Variants in STX1B observed in about 807,000 individuals in gnomAD.
STX1B encodes syntaxin 1B, also known as syntaxin-1B.
STX1B carries 7 observed loss-of-function variants against 39.4 expected under a neutral mutation model. The observed-to-expected ratio is 0.18, with a 90% CI of 0.10 to 0.33. The LOEUF (loss-of-function observed/expected upper bound fraction) is 0.33. Ranked by LOEUF, STX1B falls within the 10% of genes least tolerant of loss-of-function variation. The pLI is 1.00. For missense variants in STX1B, 198 were observed against 383.2 expected, an observed-to-expected ratio of 0.52 and a Z score of 4.04; for synonymous variants, 136 against 144.1, an observed-to-expected ratio of 0.94 and a Z score of 0.40.
Position 31,001,636 on chromosome 16 carries a change from G to T in STX1B, c.31-33C>A. 6.3e-7 allele frequency: 1 copy of T among 1,581,934 alleles called. No homozygotes were observed. The highest frequency in any genetic ancestry group is 8.6e-7 in the Non-Finnish European group (1 of 1,156,304). On this transcript the variant is annotated intron_variant, in intron 1 of 9. Coordinates refer to ENST00000215095, the MANE Select transcript of STX1B (RefSeq NM_052874.5). This position sits in a 1 kb window ranked among gnomAD's most constrained non-coding sequence, Gnocchi z 5.5. ...CAAGGAAGGCTGAGTCCATGAGCAG[G>T]CCCTACCTGGGTCCCCAAGGCTGGC...
chr16:30,993,698 A>G (rs1439073046), intron 7 of STX1B, among the ~76,000 whole-genome samples: 1 of 152,170 alleles, frequency 6.6e-6, no homozygotes, highest in Non-Finnish European at 1.5e-5. Context: ...GTGAGTTAAT[A>G]TGTACACATT....
intron 1 of STX1B, among the ~76,000 whole-genome samples, chr16:31,005,470 CTT>C (rs35407745): frequency 4.4e-5 from 5 of 113,726 alleles, no homozygotes; most frequent in Non-Finnish European, 5.0e-5. Context: ...TTTCTTTTTC[CTT>C]TTTTTTTTTT....
At chr16:30,995,248 G>A (rs1200385649) in intron 7 of STX1B, among the ~76,000 whole-genome samples, 1 of 152,086 alleles carries the variant, frequency 6.6e-6, no homozygotes, top group African/African-American at 2.4e-5. Flanking sequence ...AAAATGCTGG[G>A]ATTACAGATG....
At chr16:31,009,404 G>C (rs956280243) in intron 1 of STX1B, among the ~76,000 whole-genome samples, 2 of 152,028 alleles carry the variant, frequency 1.3e-5, no homozygotes, top group African/African-American at 4.8e-5. Context: ...AGTGCATTGG[G>C]CAGCTCAGCC....
intron 1 of STX1B, 26 bp downstream of exon 1, chr16:31,010,341 C>G (rs774274715): frequency 7.3e-7 from 1 of 1,366,002 alleles, no homozygotes; most frequent in Non-Finnish European, 9.8e-7. Context: ...GTCCCGCCCC[C>G]CCATTCTCCC....
chr16:31,009,966 G>A (rs941023494), intron 1 of STX1B, among the ~76,000 whole-genome samples: 2 of 151,954 alleles, frequency 1.3e-5, no homozygotes, highest in African/African-American at 4.8e-5. Context: ...CCTGAATCTG[G>A]GTCCTGCTAG....
rs10524041 is a variant in STX1B at position 30,994,892 on chromosome 16, C to CT, written c.538-1409dup. Among the ~76,000 whole-genome samples the CT allele has an allele frequency of 2.2e-3, 215 of 99,812 alleles. 2 individuals carry two copies. Among genetic ancestry groups the CT allele is most frequent in the African/African-American group, 7.4e-3 (205 of 27,870 alleles). 65.5% of individuals were successfully genotyped at this position (99,812 alleles called of 152,430 possible). On this transcript the variant is annotated intron_variant, in intron 7 of 9. Transcript: ENST00000215095. ...TTTGGACAGTGTTCAGTCTCCCCGT[C>CT]TTTTTTTTTTTTTTTTTTTTGGTTT...
chr16:31,003,477 G>A (rs2056641618), intron 1 of STX1B, among the ~76,000 whole-genome samples: 1 of 152,120 alleles, frequency 6.6e-6, no homozygotes, highest in Non-Finnish European at 1.5e-5. Flanking sequence ...AGAGCCAAAA[G>A]CCTTCCTCTG....
At chr16:31,002,375 CGACA>C (rs1210803637) in intron 1 of STX1B, among the ~76,000 whole-genome samples, 2 of 152,156 alleles carry the variant, frequency 1.3e-5, no homozygotes, top group Non-Finnish European at 2.9e-5. Context: ...CCACTGCCAC[CGACA>C]GACAGACTCG....
intron 4 of STX1B, among the ~76,000 whole-genome samples, chr16:30,998,187 C>CT (rs1459359699): frequency 6.6e-6 from 1 of 152,252 alleles, no homozygotes; most frequent in African/African-American, 2.4e-5. Flanking sequence ...CACAGATTAA[C>CT]TGAGATTCCT....
At position 30,992,682 on chromosome 16, in the gene STX1B, G is replaced by C; in HGVS notation, c.*139C>G. 3 of 590,802 alleles carry C rather than the reference G, an allele frequency of 5.1e-6. No homozygotes were observed. The highest frequency in any genetic ancestry group is 9.2e-6 in the Non-Finnish European group (3 of 326,838). 36.6% of individuals were successfully genotyped at this position (590,802 alleles called of 1,614,324 possible). ...GGCCCGGTGAGGTCCAGGGACACCA[G>C]GGTCTGCCGTGGGGGTGGGGCTGCC... is the stretch of plus-strand genomic sequence containing the variant. On this transcript the variant is annotated 3_prime_UTR_variant, in exon 10 of 10. Coordinates refer to ENST00000215095, the MANE Select transcript of STX1B (RefSeq NM_052874.5).
intron 4 of STX1B, among the ~76,000 whole-genome samples, chr16:31,000,417 C>T (rs575758553): frequency 6.6e-5 from 10 of 151,414 alleles, no homozygotes; most frequent in Non-Finnish European, 1.2e-4. Flanking sequence ...ACTGCAGCCT[C>T]GACCCCCTGG....
At chr16:31,006,158 C>T (rs2143685873) in intron 1 of STX1B, among the ~76,000 whole-genome samples, 1 of 152,286 alleles carries the variant, frequency 6.6e-6, no homozygotes, top group South Asian at 2.1e-4. Flanking sequence ...AGCACTGACA[C>T]ACACGGGCTT....
In STX1B at chr16:31,001,333, TG is replaced by T. The variant is rs1056087982; in HGVS notation, c.106-141del. Reference sequence around the variant, plus strand: ...CAGGGAGGGTGCAGGAGCAGGGAAGTGGGGGACAGGGAAAAGGAAGTTGTCG... The same window carrying T: ...CAGGGAGGGTGCAGGAGCAGGGAAGTGGGGACAGGGAAAAGGAAGTTGTCG... On this transcript the variant is annotated intron_variant, in intron 2 of 9. Coordinates refer to ENST00000215095, the MANE Select transcript of STX1B (RefSeq NM_052874.5). The surrounding 1 kb of genome is among the most constrained non-coding windows in gnomAD (Gnocchi z 5.5). 4.3e-4 allele frequency: 388 copies of T among 903,444 alleles called. 2 individuals are homozygous for T. The highest frequency in any genetic ancestry group is 7.6e-4 in the Admixed American group (36 of 47,212). The allele number at this position is 903,444 out of a possible 1,614,324, so 56.0% of individuals were successfully genotyped here.
At position 31,001,280 on chromosome 16, in the gene STX1B, A is replaced by T; in HGVS notation, c.106-87T>A. On this transcript the variant is annotated intron_variant, in intron 2 of 9. Coordinates refer to ENST00000215095, the MANE Select transcript of STX1B (RefSeq NM_052874.5). This position sits in a 1 kb window ranked among gnomAD's most constrained non-coding sequence, Gnocchi z 5.5. ...AACCAGCCAGGGTTCAGGGGAATGGACCAGCCCCAGAACGGCTGATAAAAG... is the reference window on the plus strand; with the variant it reads ...AACCAGCCAGGGTTCAGGGGAATGGTCCAGCCCCAGAACGGCTGATAAAAG... The T allele has an allele frequency of 7.6e-7, 1 of 1,322,594 alleles. No homozygotes were observed. Among genetic ancestry groups the T allele is most frequent in the Non-Finnish European group, 1.1e-6 (1 of 933,938 alleles). The allele number at this position is 1,322,594 out of a possible 1,614,324, so 81.9% of individuals were successfully genotyped here.
intron 5 of STX1B, 98 bp from the exon 6 acceptor site, chr16:30,997,157 A>G: frequency 1.3e-6 from 1 of 794,472 alleles, no homozygotes. Flanking sequence ...GAGGCAGTGC[A>G]TGGGCGGAAT....
chr16:30,992,617 C>T lies in STX1B; in HGVS notation c.*204G>A. ...ATGTTGGTGTGCATGTGTAATCACG[C>T]CTGCTGCGATCTACGTGCGGGGACG... On this transcript the variant is annotated 3_prime_UTR_variant, in exon 10 of 10. Transcript: ENST00000215095. 1.9e-6 allele frequency: 1 copy of T among 522,152 alleles called. No individual in the cohort carries two copies. Among genetic ancestry groups the T allele is most frequent in the Non-Finnish European group, 3.3e-6 (1 of 301,382 alleles). The allele number at this position is 522,152 out of a possible 1,614,324, so 32.3% of individuals were successfully genotyped here.
intron 1 of STX1B, among the ~76,000 whole-genome samples, chr16:31,006,314 T>G (rs1479420264): frequency 6.6e-6 from 1 of 151,986 alleles, no homozygotes; most frequent in Non-Finnish European, 1.5e-5. Flanking sequence ...AGCCTGGCCC[T>G]CTCACCCTGA....
rs1406082609 is a variant in STX1B at position 30,992,914 on chromosome 16, G to A, written c.787-13C>T. 1.2e-6 allele frequency: 2 copies of A among 1,611,234 alleles called. No homozygotes were observed. The highest frequency in any genetic ancestry group is 2.2e-5 in the South Asian group (2 of 91,034). ...TCATGATTTTCTTCTGCAGCAGAAAGAGGAGTGAGACAGGCAGACAGTGAG... is the reference window on the plus strand; with the variant it reads ...TCATGATTTTCTTCTGCAGCAGAAAAAGGAGTGAGACAGGCAGACAGTGAG... On this transcript the variant is annotated splice_polypyrimidine_tract_variant and intron_variant, in intron 9 of 9. Coordinates refer to ENST00000215095, the MANE Select transcript of STX1B (RefSeq NM_052874.5).
Sources: gnomAD v4.1 joint callset for allele counts (sites outside exome capture counted in the v4.1 genomes callset) on GRCh38, gnomAD v4.1.1 for gene constraint, Gnocchi (gnomAD v3.1) non-coding constraint, MANE v1.5 for transcripts, NCBI Gene and HGNC (gene_info 2026-07-23, HGNC 2026-07-21) for gene names.